CLDND1: variants seen among roughly 807,000 people sequenced by gnomAD.
CLDND1 encodes claudin domain containing 1.
Under a neutral mutation model 26.3 loss-of-function variants are expected in CLDND1, and 13 were observed. The ratio of observed to expected loss-of-function variants is 0.49; its 90% CI spans 0.32 to 0.78. The LOEUF (loss-of-function observed/expected upper bound fraction) is 0.78, where lower values mean the gene tolerates loss of function less well. Ranked by LOEUF, CLDND1 falls within the 30% of genes least tolerant of loss-of-function variation. The pLI is 0.03. For missense variants in CLDND1, 289 were observed against 312.8 expected, an observed-to-expected ratio of 0.92 and a Z score of 0.57; for synonymous variants, 107 against 107.0, an observed-to-expected ratio of 1.00 and a Z score of 0.00.
chr3:98,518,786 A>C (rs372358687), intron 3 of CLDND1, 99 bp downstream of exon 3: 23 of 718,624 alleles, frequency 3.2e-5, no homozygotes, highest in African/African-American at 2.7e-4. Context: ...ACGTTGGCAC[A>C]ATCTACTAAC....
intron 2 of CLDND1, among the ~76,000 whole-genome samples, chr3:98,520,370 T>C (rs1361123014): frequency 6.6e-6 from 1 of 152,218 alleles, no homozygotes; most frequent in African/African-American, 2.4e-5. Flanking sequence ...CCTTTTGATA[T>C]ATCATAACTC....
chr3:98,521,599 T>C, intron 1 of CLDND1, 157 bp from the exon 2 acceptor site: 2 of 1,546,684 alleles, frequency 1.3e-6, no homozygotes, highest in South Asian at 1.1e-5. Context: ...TGTTTTTAAT[T>C]AAGCTTAAAA....
At chr3:98,522,619 C>T in intron 1 of CLDND1, 2 of 1,389,072 alleles carry the variant, frequency 1.4e-6, no homozygotes, top group South Asian at 1.6e-5. Flanking sequence ...GGCCTCACGG[C>T]GGGGCCGGAG....
intron 3 of CLDND1, among the ~76,000 whole-genome samples, chr3:98,518,191 T>C (rs1007518798): frequency 1.3e-5 from 2 of 152,172 alleles, no homozygotes; most frequent in African/African-American, 4.8e-5. Context: ...TTCTTATGTG[T>C]TTTTCTAACT....
chr3:98,521,367 T>C lies in CLDND1; in HGVS notation c.58A>G (p.Thr20Ala). Residue 20 changes from threonine to alanine, a missense_variant, in exon 2 of 5, where the codon ACC becomes GCC. Physicochemically the swap from Thr to Ala is moderately conservative, Grantham distance 58 (BLOSUM62 0). Coordinates refer to ENST00000341181, the MANE Select transcript of CLDND1 (RefSeq NM_001040181.2). Reference protein sequence around the residue: ...VIACVLSLISTIYMAASIGTD... With the variant: ...VIACVLSLISAIYMAASIGTD... ...CCAATGGAGGCTGCCATGTAGATGGTGGAAATGAGGCTAAGCACACAAGCA... is the reference window on the plus strand; with the variant it reads ...CCAATGGAGGCTGCCATGTAGATGGCGGAAATGAGGCTAAGCACACAAGCA... The C allele has an allele frequency of 6.2e-7, 1 of 1,614,160 alleles. No homozygotes were observed. The highest frequency in any genetic ancestry group is 8.5e-7 in the Non-Finnish European group (1 of 1,180,020).
rs1436478247 is a variant in CLDND1, at chr3:98,516,884, G to A, written c.542-5C>T. The stretch of plus-strand genomic sequence containing the variant: ...CTGAGCCCAGTGTACACAGACCTTG[G>A]GGGAAAATTTAGAAAACAAAACAAA... On this transcript the variant is annotated splice_polypyrimidine_tract_variant and splice_region_variant and intron_variant, in intron 4 of 4. Transcript: ENST00000341181. The A allele has an allele frequency of 2.5e-6, 4 of 1,613,630 alleles. No homozygotes were observed. Among genetic ancestry groups the A allele is most frequent in the Non-Finnish European group, 3.4e-6 (4 of 1,179,840 alleles).
Position 98,522,468 on chromosome 3 carries a change from C to T in CLDND1, c.-19+381G>A, listed in dbSNP as rs926230260. The T allele has an allele frequency of 2.8e-5, 29 of 1,035,806 alleles. No homozygotes were observed. In the African/African-American group the frequency reaches 4.7e-4, roughly 17 times the overall value. 64.2% of individuals were successfully genotyped at this position (1,035,806 alleles called of 1,614,324 possible). A position where few individuals can be genotyped will look rare whatever the true frequency, so the allele number is the denominator to read the frequency against. ...TCAGGAAAGATAAGAGCAATGACAA[C>T]GAAAACTCAAAAAGTTGGATTTGTA... is the stretch of plus-strand genomic sequence containing the variant. On this transcript the variant is annotated intron_variant, in intron 1 of 4. Transcript: ENST00000341181.
intron 3 of CLDND1, 60 bp downstream of exon 3, chr3:98,518,825 A>T (rs923903958): frequency 9.8e-7 from 1 of 1,021,958 alleles, no homozygotes; most frequent in Admixed American, 1.8e-5. Flanking sequence ...ATAGTCCAAA[A>T]AGAGACAAAT....
At chr3:98,520,629 GT>G (rs1706369390) in intron 2 of CLDND1, 1 of 151,440 alleles carries the variant, frequency 6.6e-6, no homozygotes, top group Non-Finnish European at 1.5e-5. Flanking sequence ...CATCAAGATT[GT>G]TGTAAAACAG....
At chr3:98,522,694 A>G in intron 1 of CLDND1, 155 bp downstream of exon 1, 1 of 1,476,840 alleles carries the variant, frequency 6.8e-7, no homozygotes, top group Non-Finnish European at 9.0e-7. Flanking sequence ...GTACCCGACC[A>G]GGCCCCGCCC....
chr3:98,522,247 C>CAT (rs1283736470), intron 1 of CLDND1: 1 of 158,414 alleles, frequency 6.3e-6, no homozygotes, highest in Non-Finnish European at 1.4e-5. Context: ...AAACTCTCAA[C>CAT]ATATCAACAC....
Position 98,516,151 on chromosome 3 carries a change from T to C in CLDND1, c.*508A>G. 1 of 1,047,726 alleles carries C rather than the reference T, an allele frequency of 9.5e-7. No homozygotes were observed. The highest frequency in any genetic ancestry group is 1.2e-6 in the Non-Finnish European group (1 of 867,696). 64.9% of individuals were successfully genotyped at this position (1,047,726 alleles called of 1,614,324 possible). ...GCTATGTGTCAATGCTTAGGGAAAATGATCTTAGATAATTTCCCAATTTTA... is the reference window on the plus strand; with the variant it reads ...GCTATGTGTCAATGCTTAGGGAAAACGATCTTAGATAATTTCCCAATTTTA... On this transcript the variant is annotated 3_prime_UTR_variant, in exon 5 of 5. Coordinates refer to ENST00000341181, the MANE Select transcript of CLDND1 (RefSeq NM_001040181.2).
At chr3:98,522,633 G>A (rs1037605197) in intron 1 of CLDND1, 12 of 1,402,164 alleles carry the variant, frequency 8.6e-6, no homozygotes, top group African/African-American at 1.5e-5. Flanking sequence ...GCCGGAGAAG[G>A]CCAGGGCTGG....
intron 1 of CLDND1, chr3:98,522,536 A>G: frequency 1.6e-6 from 2 of 1,269,944 alleles, no homozygotes; most frequent in Non-Finnish European, 2.0e-6. Context: ...GGTGCTCTCA[A>G]ATGACCTTAA....
Position 98,521,262 on chromosome 3 carries a change from T to C in CLDND1, c.163A>G (p.Ile55Val), listed in dbSNP as rs1706397251. ...DLNKSIWDEFISDEADEKTYN... is the reference protein window; with the variant it reads ...DLNKSIWDEFVSDEADEKTYN... ...GTCTTTTCATCTGCCTCATCACTAA[T>C]GAATTCATCCCAGATGCTTTTATTC... The change falls in exon 2 of 5, where the codon ATT becomes GTT. Residue 55 changes from isoleucine to valine, a missense_variant. Ile to Val is a conservative substitution (Grantham distance 29). Coordinates refer to ENST00000341181, the MANE Select transcript of CLDND1 (RefSeq NM_001040181.2). 7 of 1,614,238 alleles carry C rather than the reference T, an allele frequency of 4.3e-6. No homozygotes were observed. Among genetic ancestry groups the C allele is most frequent in the Non-Finnish European group, 5.1e-6 (6 of 1,180,034 alleles).
rs1706394127 is a variant in CLDND1, at chr3:98,521,202, C to G, written c.223G>C (p.Val75Leu). The G allele has an allele frequency of 1.9e-6, 3 of 1,614,252 alleles. No homozygotes were observed. Among genetic ancestry groups the G allele is most frequent in the Non-Finnish European group, 2.5e-6 (3 of 1,180,038 alleles). ...GTGATACACCGTCTCCACAATCCCA[C>G]TGTGCCATTGTATCGAAAAAGTGCA... ...NDALFRYNGT[V>L]GLWRRCITIP... The change falls in exon 2 of 5, where the codon GTG becomes CTG. Residue 75 changes from valine to leucine, a missense_variant. Transcript: ENST00000341181.
chr3:98,518,839 ATTATCT>A, intron 3 of CLDND1, 40 bp downstream of exon 3: 1 of 1,123,122 alleles, frequency 8.9e-7, no homozygotes, highest in Non-Finnish European at 1.4e-6. Context: ...GACAAATAAA[ATTATCT>A]TTGTTCCCCC....
intron 2 of CLDND1, 125 bp downstream of exon 2, chr3:98,521,007 CA>C (rs1242601156): frequency 7.7e-6 from 6 of 779,706 alleles, no homozygotes; most frequent in Non-Finnish European, 1.3e-5. Context: ...AGAGAAGATA[CA>C]CGATTTATTT....
chr3:98,516,360 T>C lies in CLDND1; in HGVS notation c.*299A>G. Reference sequence around the variant, plus strand: ...GTCTAACAGACATTAGCACAACTTGTTTTCGGTCACATTCCTACTCCCAAT... The same window carrying C: ...GTCTAACAGACATTAGCACAACTTGCTTTCGGTCACATTCCTACTCCCAAT... On this transcript the variant is annotated 3_prime_UTR_variant, in exon 5 of 5. Coordinates refer to ENST00000341181, the MANE Select transcript of CLDND1 (RefSeq NM_001040181.2). The C allele has an allele frequency of 1.8e-6, 2 of 1,127,842 alleles. No individual in the cohort carries two copies. Among genetic ancestry groups the C allele is most frequent in the Non-Finnish European group, 2.2e-6 (2 of 920,512 alleles). 69.9% of individuals were successfully genotyped at this position (1,127,842 alleles called of 1,614,324 possible). A position where few individuals can be genotyped will look rare whatever the true frequency, so the allele number is the denominator to read the frequency against.
Sources: gnomAD v4.1 joint callset for allele counts (sites outside exome capture counted in the v4.1 genomes callset) on GRCh38, gnomAD v4.1.1 for gene constraint, MANE v1.5 for transcripts, NCBI Gene and HGNC (gene_info 2026-07-23, HGNC 2026-07-21) for gene names.